The following TYK2 variants were observed in gnomAD, a reference collection of about 807,000 sequenced individuals.
The protein encoded by TYK2 is tyrosine kinase 2.
TYK2 carries 65 observed loss-of-function variants against 130.9 expected under a neutral mutation model. The observed-to-expected ratio is 0.50, with a 90% confidence interval of 0.41 to 0.61. The LOEUF is 0.61. TYK2 is among the 20% of genes least tolerant of loss of function. TYK2 has a pLI of 0.00. For missense variants in TYK2, 1,378 were observed against 1,610.7 expected, an observed-to-expected ratio of 0.86 and a Z score of 2.47; for synonymous variants, 647 against 658.9, an observed-to-expected ratio of 0.98 and a Z score of 0.28.
intron 3 of TYK2, chr19:10,369,806 G>A (rs1029973085): frequency 4.3e-5 from 19 of 445,808 alleles, no homozygotes; most frequent in Non-Finnish European, 8.1e-5. Context: ...CACTTTGGGA[G>A]GCTGAGGTGG....
At chr19:10,357,725 C>T in intron 17 of TYK2, 39 bp downstream of exon 17, 2 of 1,568,020 alleles carry the variant, frequency 1.3e-6, no homozygotes, top group African/African-American at 2.7e-5. Flanking sequence ...TTGGAGGGGC[C>T]CCCACTGCGG....
At chr19:10,360,383 G>A (rs1188199188) in intron 14 of TYK2, among the ~76,000 whole-genome samples, 1 of 152,080 alleles carries the variant, frequency 6.6e-6, no homozygotes, top group Non-Finnish European at 1.5e-5. Flanking sequence ...TGTCATCCCA[G>A]GTGCTCAAGA....
At chr19:10,359,598 C>T (rs544488933) in intron 14 of TYK2, among the ~76,000 whole-genome samples, 2 of 152,162 alleles carry the variant, frequency 1.3e-5, no homozygotes, top group East Asian at 3.9e-4. Context: ...GTAATCCCAG[C>T]ACTTTGGGAG....
Position 10,368,401 on chromosome 19 carries a change from A to G in TYK2, c.211T>C (p.Phe71Leu), listed in dbSNP as rs374071090. Reference protein sequence around the residue: ...AHKVGITPPCFNLFALFDAQA... With the variant: ...AHKVGITPPCLNLFALFDAQA... ...GCATCGAAGAGGGCAAAGAGATTGA[A>G]GCAAGGAGGAGTGATACCTGGATCA... is the stretch of plus-strand genomic sequence containing the variant. Residue 71 changes from phenylalanine (F) to leucine (L), a missense_variant, in exon 4 of 25, where the codon TTC (phenylalanine) becomes CTC (leucine). Phe to Leu is a conservative substitution (Grantham distance 22). Coordinates refer to ENST00000525621, the MANE Select transcript of TYK2 (RefSeq NM_003331.5). The G allele has an allele frequency of 1.7e-4, 282 of 1,614,008 alleles. 1 individual carries two copies. The highest frequency in any genetic ancestry group is 2.2e-4 in the Non-Finnish European group (265 of 1,180,026).
Position 10,378,376 on chromosome 19 carries a change from C to T in TYK2, c.31G>A (p.Gly11Ser). The T allele has an allele frequency of 6.2e-7, 1 of 1,611,894 alleles. No homozygotes were observed. The change falls in exon 3 of 25, where the codon GGC (glycine) becomes AGC (serine). Residue 11 changes from glycine to serine, a missense_variant. Gly to Ser is a moderately conservative substitution (Grantham distance 56, BLOSUM62 0). Coordinates refer to ENST00000525621, the MANE Select transcript of TYK2 (RefSeq NM_003331.5). MPLRHWGMAR[G>S]SKPVGDGAQP... Reference sequence around the variant, plus strand: ...GCTCCATCCCCAACGGGCTTACTGCCCCTGGCCATCCCCCAGTGGCGCAGA... The same window carrying T: ...GCTCCATCCCCAACGGGCTTACTGCTCCTGGCCATCCCCCAGTGGCGCAGA...
In TYK2 at chr19:10,353,813, C is replaced by G. The variant is rs923199793; in HGVS notation, c.2909-167G>C. ...GGACCCATCCAGAACCCCATTCTCA[C>G]TTGAGGGAGCTGCTGGTGGCTCCCG... On this transcript the variant is annotated intron_variant, in intron 20 of 24. Transcript: ENST00000525621. The surrounding 1 kb of genome is among the most constrained non-coding windows in gnomAD (Gnocchi z 6.9). 10 of 680,480 alleles carry G rather than the reference C, an allele frequency of 1.5e-5. No individual in the cohort carries two copies. The highest frequency in any genetic ancestry group is 4.9e-6 in the Non-Finnish European group (2 of 405,338). 42.2% of individuals were successfully genotyped at this position (680,480 alleles called of 1,614,324 possible). A position where few individuals can be genotyped will look rare whatever the true frequency, so the allele number is the denominator to read the frequency against.
Position 10,364,971 on chromosome 19 carries a change from G to A in TYK2, c.1089C>T (p.Gly363=). 2 of 1,614,028 alleles carry A rather than the reference G, an allele frequency of 1.2e-6. No homozygotes were observed. Among genetic ancestry groups the A allele is most frequent in the Non-Finnish European group, 8.5e-7 (1 of 1,180,018 alleles). The change falls in exon 8 of 25, where the codon GGC becomes GGT. Residue 363 remains glycine (G), a synonymous_variant. Transcript: ENST00000525621. The surrounding 1 kb of genome is among the most constrained non-coding windows in gnomAD (Gnocchi z 4.9). ...GKKAKAHKAV[G]QPADRPREPL... is the part of the protein sequence containing the mutation. ...GCTCCCGCGGCCTGTCTGCCGGCTG[G>A]CCGACTGCCTTGTGAGCCTTGGCCT...
At chr19:10,373,462 C>T (rs1478742762) in intron 3 of TYK2, among the ~76,000 whole-genome samples, 1 of 152,042 alleles carries the variant, frequency 6.6e-6, no homozygotes, top group East Asian at 1.9e-4. Context: ...CTCAGCCTCC[C>T]AAGTAGCTGG....
Position 10,353,879 on chromosome 19 carries a change from G to A in TYK2, c.2908+163C>T. ...GCAGGTAGCACCCCCCAGATGGGAA[G>A]GAGGCAGCCCAGCCACGCTCACCCA... On this transcript the variant is annotated intron_variant, in intron 20 of 24. Coordinates refer to ENST00000525621, the MANE Select transcript of TYK2 (RefSeq NM_003331.5). This position sits in a 1 kb window ranked among gnomAD's most constrained non-coding sequence, Gnocchi z 6.9. The A allele has an allele frequency of 2.5e-6, 2 of 811,724 alleles. No homozygotes were observed. The highest frequency in any genetic ancestry group is 3.9e-6 in the Non-Finnish European group (2 of 506,460). 50.3% of individuals were successfully genotyped at this position (811,724 alleles called of 1,614,324 possible). A position where few individuals can be genotyped will look rare whatever the true frequency, so the allele number is the denominator to read the frequency against.
chr19:10,356,842 A>C, intron 17 of TYK2, 124 bp from the exon 18 acceptor site: 1 of 1,016,900 alleles, frequency 9.8e-7, no homozygotes, highest in Non-Finnish European at 1.5e-6. Flanking sequence ...TCCATTATAC[A>C]GATGAGGCAA....
chr19:10,354,616 G>C lies in TYK2; in HGVS notation c.2618-7C>G. ...GTCAAGACGTCAGCAAGATCTGGAAGAGTTGCGGTGGGTAAAGGCCTGACC... is the reference window on the plus strand; with the variant it reads ...GTCAAGACGTCAGCAAGATCTGGAACAGTTGCGGTGGGTAAAGGCCTGACC... On this transcript the variant is annotated splice_polypyrimidine_tract_variant and splice_region_variant and intron_variant, in intron 18 of 24. Transcript: ENST00000525621. 4 of 1,612,758 alleles carry C rather than the reference G, an allele frequency of 2.5e-6. No homozygotes were observed. Among genetic ancestry groups the C allele is most frequent in the South Asian group, 1.1e-5 (1 of 91,068 alleles).
chr19:10,351,246 G>T, intron 23 of TYK2, 84 bp from the exon 24 acceptor site: 1 of 1,098,796 alleles, frequency 9.1e-7, no homozygotes, highest in Admixed American at 2.0e-5. Context: ...CAGCACTTTG[G>T]AAGGCTGAGG....
In TYK2 at chr19:10,365,865, C is replaced by A; in HGVS notation, c.663G>T (p.Arg221=). 6.2e-7 allele frequency: 1 copy of A among 1,611,632 alleles called. No individual in the cohort carries two copies. Among genetic ancestry groups the A allele is most frequent in the Non-Finnish European group, 8.5e-7 (1 of 1,179,360 alleles). ...FKDCIPRSFR[R]HIRQHSALTR... Reference sequence around the variant, plus strand: ...TCAGGGCGCTGTGCTGCCGGATATGCCGGCGGAAGGAGCGCGGGATGCAGT... The same window carrying A: ...TCAGGGCGCTGTGCTGCCGGATATGACGGCGGAAGGAGCGCGGGATGCAGT... Residue 221 remains arginine, a synonymous_variant, in exon 7 of 25, where the codon CGG becomes CGT. Coordinates refer to ENST00000525621, the MANE Select transcript of TYK2 (RefSeq NM_003331.5).
In TYK2 at chr19:10,350,697, C is replaced by G; in HGVS notation, c.*137G>C. The stretch of plus-strand genomic sequence containing the variant: ...AAAAATAAGTTCACAGAGGTGGGGT[C>G]TCTAGACAGGAGTAAGGCACACGGT... On this transcript the variant is annotated 3_prime_UTR_variant, in exon 25 of 25. Transcript: ENST00000525621. 9.5e-7 allele frequency: 1 copy of G among 1,055,740 alleles called. No individual in the cohort carries two copies. The highest frequency in any genetic ancestry group is 1.6e-5 in the African/African-American group (1 of 62,594). 65.4% of individuals were successfully genotyped at this position (1,055,740 alleles called of 1,614,324 possible). A position where few individuals can be genotyped will look rare whatever the true frequency, so the allele number is the denominator to read the frequency against.
chr19:10,370,476 T>C (rs907046410), intron 3 of TYK2, among the ~76,000 whole-genome samples: 23 of 148,878 alleles, frequency 1.5e-4, no homozygotes, highest in Non-Finnish European at 3.1e-4. Flanking sequence ...ATTGTGCCAC[T>C]GCACTCCAGC....
intron 5 of TYK2, among the ~76,000 whole-genome samples, chr19:10,367,442 T>C (rs2041711558): frequency 6.6e-6 from 1 of 151,890 alleles, no homozygotes; most frequent in Admixed American, 6.6e-5. Flanking sequence ...CTGGCCAACA[T>C]GGTGAAACCC....
intron 18 of TYK2, among the ~76,000 whole-genome samples, chr19:10,355,041 A>AAAAG (rs201621864): frequency 1.3e-5 from 2 of 151,188 alleles, no homozygotes; most frequent in Middle Eastern, 3.4e-3. Flanking sequence ...AAAAAAAAAA[A>AAAAG]AAAGAAAGAA....
At chr19:10,370,408 G>A (rs1280640888) in intron 3 of TYK2, among the ~76,000 whole-genome samples, 3 of 151,654 alleles carry the variant, frequency 2.0e-5, no homozygotes, top group Non-Finnish European at 2.9e-5. Flanking sequence ...CAGCTACTCC[G>A]GAGGTTGACG....
intron 3 of TYK2, among the ~76,000 whole-genome samples, chr19:10,374,975 G>A (rs2042061830): frequency 1.3e-5 from 2 of 152,126 alleles, no homozygotes; most frequent in Non-Finnish European, 2.9e-5. Flanking sequence ...CTTGAGCCCA[G>A]GAGTTTGAGA....
Sources: gnomAD v4.1 joint callset for allele counts (sites outside exome capture counted in the v4.1 genomes callset) on GRCh38, gnomAD v4.1.1 for gene constraint, Gnocchi (gnomAD v3.1) non-coding constraint, MANE v1.5 for transcripts, NCBI Gene and HGNC (gene_info 2026-07-23, HGNC 2026-07-21) for gene names.